DGKI: variants seen among roughly 807,000 people sequenced by gnomAD.
DGKI encodes diacylglycerol kinase iota.
A neutral mutation model predicts 147.5 loss-of-function variants in DGKI; 55 were observed. That is an observed-to-expected ratio of 0.37 (90% CI 0.30 to 0.47). The LOEUF is 0.47. DGKI is among the 20% of genes least tolerant of loss of function. The pLI is 1.00. For synonymous variants in DGKI, 469 were observed against 477.1 expected, an observed-to-expected ratio of 0.98 and a Z score of 0.22; for missense variants, 1,007 against 1,323.8, an observed-to-expected ratio of 0.76 and a Z score of 3.71.
chr7:137,663,864 AG>A (rs1822533788), intron 3 of DGKI, among the ~76,000 whole-genome samples: 1 of 152,164 alleles, frequency 6.6e-6, no homozygotes, highest in South Asian at 2.1e-4. Context: ...CTGAAAGGAA[AG>A]GGGGAGGGAA....
chr7:137,672,884 G>A (rs1378257334), intron 3 of DGKI, among the ~76,000 whole-genome samples: 3 of 148,184 alleles, frequency 2.0e-5, no homozygotes, highest in Admixed American at 6.8e-5. Context: ...GGGTTCAAGC[G>A]ATTCTCCTGC....
intron 28 of DGKI, among the ~76,000 whole-genome samples, chr7:137,432,555 A>G (rs1563015966): frequency 6.6e-6 from 1 of 152,128 alleles, no homozygotes; most frequent in Non-Finnish European, 1.5e-5. Flanking sequence ...TTTAATCCTC[A>G]CAATAAGCCT....
At chr7:137,620,020 C>T in intron 7 of DGKI, 80 bp from the exon 8 acceptor site, 1 of 334,684 alleles carries the variant, frequency 3.0e-6, no homozygotes, top group Non-Finnish European at 4.9e-6. Flanking sequence ...TGTACACACG[C>T]ACACACACAC....
chr7:137,491,065 T>G (rs1815745033), intron 21 of DGKI, among the ~76,000 whole-genome samples: 1 of 152,176 alleles, frequency 6.6e-6, no homozygotes, highest in African/African-American at 2.4e-5. Flanking sequence ...AATTGGCAAC[T>G]GACTCAGAGC....
intron 1 of DGKI, among the ~76,000 whole-genome samples, chr7:137,761,455 C>T (rs1795853996): frequency 6.6e-6 from 1 of 152,216 alleles, no homozygotes. Flanking sequence ...AATAAGACAA[C>T]ATTTGTAAAA....
rs147483029 is a variant in DGKI at position 137,743,711 on chromosome 7, C to T, written c.402-53709G>A. 7.1e-3 allele frequency among the ~76,000 whole-genome samples: 1,085 copies of T among 152,184 alleles called. 15 individuals carry two copies. Among genetic ancestry groups the T allele is most frequent in the African/African-American group, 0.025 (1,033 of 41,506 alleles). On this transcript the variant is annotated intron_variant, in intron 1 of 32. Coordinates refer to ENST00000614521, the MANE Select transcript of DGKI (RefSeq NM_001321708.2). ...AGAACAAACTAATCTTGGCCGGGCG[C>T]GGTGGCTGACACCTGTAATCCCAGC...
At chr7:137,829,375 G>T (rs1000871950) in intron 1 of DGKI, among the ~76,000 whole-genome samples, 2 of 152,202 alleles carry the variant, frequency 1.3e-5, no homozygotes, top group African/African-American at 4.8e-5. Flanking sequence ...ACTAGACTTC[G>T]TAATTCAAGA....
intron 1 of DGKI, among the ~76,000 whole-genome samples, chr7:137,844,902 T>G (rs951946266): frequency 6.6e-6 from 1 of 152,108 alleles, no homozygotes; most frequent in African/African-American, 2.4e-5. Flanking sequence ...ACCACCCCCT[T>G]CCAACTCACA....
At chr7:137,685,571 C>G (rs1823387524) in intron 2 of DGKI, among the ~76,000 whole-genome samples, 1 of 152,212 alleles carries the variant, frequency 6.6e-6, no homozygotes, top group African/African-American at 2.4e-5. Flanking sequence ...TCACTCTAAA[C>G]TGGGAACTTG....
intron 21 of DGKI, among the ~76,000 whole-genome samples, chr7:137,515,813 G>A (rs1019051954): frequency 2.0e-5 from 3 of 152,080 alleles, no homozygotes; most frequent in African/African-American, 7.2e-5. Flanking sequence ...GCAATAGTAC[G>A]ATGTGTGTTA....
At chr7:137,713,165 T>C (rs1022659732) in intron 1 of DGKI, among the ~76,000 whole-genome samples, 3 of 152,214 alleles carry the variant, frequency 2.0e-5, no homozygotes, top group African/African-American at 7.2e-5. Flanking sequence ...AGCAAGTTGA[T>C]AAGTTGATAA....
chr7:137,605,198 C>T (rs1460684737), intron 10 of DGKI, among the ~76,000 whole-genome samples: 1 of 151,952 alleles, frequency 6.6e-6, no homozygotes, highest in African/African-American at 2.4e-5. Context: ...ATCCCAGCTA[C>T]TTGGGAGGCT....
At chr7:137,429,634 A>G (rs1345409011) in intron 28 of DGKI, among the ~76,000 whole-genome samples, 7 of 151,952 alleles carry the variant, frequency 4.6e-5, no homozygotes, top group African/African-American at 9.7e-5. Flanking sequence ...AAATGGGAGA[A>G]AATTTTCACA....
chr7:137,845,708 C>G (rs1176251767), intron 1 of DGKI, among the ~76,000 whole-genome samples: 10 of 152,134 alleles, frequency 6.6e-5, no homozygotes, highest in African/African-American at 1.2e-4. Context: ...GGCCATTGAT[C>G]CCACACTGTC....
At chr7:137,840,905 A>G (rs900549665) in intron 1 of DGKI, among the ~76,000 whole-genome samples, 34 of 152,252 alleles carry the variant, frequency 2.2e-4, no homozygotes, top group African/African-American at 8.2e-4. Flanking sequence ...GGAGCTAACA[A>G]CTTAGTTTGG....
At chr7:137,639,904 T>C (rs959811999) in intron 6 of DGKI, among the ~76,000 whole-genome samples, 2 of 152,148 alleles carry the variant, frequency 1.3e-5, no homozygotes, top group Non-Finnish European at 2.9e-5. Flanking sequence ...CACAACTTGA[T>C]GAGTTTGGAG....
chr7:137,432,049 T>C (rs1281151983), intron 28 of DGKI, among the ~76,000 whole-genome samples: 1 of 152,106 alleles, frequency 6.6e-6, no homozygotes, highest in Non-Finnish European at 1.5e-5. Context: ...TGTTTAAAAG[T>C]ATGTGGGGCA....
intron 6 of DGKI, among the ~76,000 whole-genome samples, chr7:137,639,087 T>C (rs577271091): frequency 2.6e-5 from 4 of 152,228 alleles, no homozygotes; most frequent in Admixed American, 2.6e-4. Flanking sequence ...CTTTTCTGAT[T>C]GTTCATCTAC....
chr7:137,487,840 C>T (rs1030576319), intron 21 of DGKI, 151 bp from the exon 22 acceptor site: 3 of 682,856 alleles, frequency 4.4e-6, no homozygotes, highest in South Asian at 1.9e-5. Flanking sequence ...TTTCTCCCTA[C>T]ACCTTTTTTA....
Sources: allele counts gnomAD v4.1 joint callset (sites outside exome capture counted in the v4.1 genomes callset), GRCh38; gene constraint gnomAD v4.1.1; transcripts MANE v1.5; gene names NCBI Gene and HGNC (gene_info 2026-07-23, HGNC 2026-07-21).